The following HERC2 variants were observed in gnomAD, a reference collection of about 807,000 sequenced individuals.
HERC2 encodes E3 ubiquitin-protein ligase HERC2.
A neutral mutation model predicts 537.7 loss-of-function variants in HERC2; 102 were observed. That is an observed-to-expected ratio of 0.19 (90% CI 0.16 to 0.22). The LOEUF (loss-of-function observed/expected upper bound fraction) is 0.22. HERC2 is among the 10% of genes least tolerant of loss of function. The pLI is 1.00. For missense variants in HERC2, 4,236 were observed against 6,198.2 expected (o/e 0.68, Z 10.63); for synonymous variants, 2,224 against 2,466.2 (o/e 0.90, Z 2.91).
chr15:28,116,948 C>T, intron 87 of HERC2, 65 bp downstream of exon 87: 7 of 1,612,006 alleles, frequency 4.3e-6, no homozygotes, highest in Non-Finnish European at 5.9e-6. Flanking sequence ...GGCCTCTGTG[C>T]TCCCTGTGGG....
intron 3 of HERC2, among the ~76,000 whole-genome samples, chr15:28,294,784 C>T (rs1386743269): frequency 2.0e-5 from 3 of 151,074 alleles, no homozygotes; most frequent in Non-Finnish European, 4.5e-5. Flanking sequence ...GTGTCCCCCA[C>T]CCCCAGGGCT....
chr15:28,144,586 A>G, intron 72 of HERC2, 87 bp downstream of exon 72: 2 of 1,567,446 alleles, frequency 1.3e-6, no homozygotes, highest in Non-Finnish European at 1.7e-6. Context: ...GTCAGGCACT[A>G]CGTGGACATG....
At chr15:28,274,862 T>G in intron 6 of HERC2, 43 bp downstream of exon 6, 2 of 1,426,108 alleles carry the variant, frequency 1.4e-6, no homozygotes, top group Non-Finnish European at 2.0e-6. Context: ...AGTCTGTTGA[T>G]GTATTAGGGA....
At chr15:28,139,695 T>G (rs1367004782) in intron 78 of HERC2, among the ~76,000 whole-genome samples, 1 of 152,186 alleles carries the variant, frequency 6.6e-6, no homozygotes, top group Middle Eastern at 3.2e-3. Flanking sequence ...CTGACCAAAC[T>G]GGATCTATCC....
At chr15:28,168,773 T>C (rs574370422) in intron 66 of HERC2, among the ~76,000 whole-genome samples, 183 bp from the exon 67 acceptor site, 29 of 152,272 alleles carry the variant, frequency 1.9e-4, no homozygotes, top group Non-Finnish European at 3.8e-4. Context: ...GCTAAAATGT[T>C]TACTCTGGAT....
In HERC2 at chr15:28,222,191, T is replaced by C. The variant is rs1900590409; in HGVS notation, c.5489A>G (p.Glu1830Gly). 6.3e-7 allele frequency: 1 copy of C among 1,593,404 alleles called. No individual in the cohort carries two copies. Among genetic ancestry groups the C allele is most frequent in the Non-Finnish European group, 8.5e-7 (1 of 1,176,618 alleles). ...ACCTTGAGCAGAAGCATTCATATCT[T>C]CCTCAACGTTGTCACAACTGGGGCC... ...LIGPSCDNVE[E>G]DMNASAQGAS... Residue 1830 changes from glutamate (E) to glycine (G), a missense_variant, in exon 36 of 93, where the codon GAA (glutamate) becomes GGA (glycine). Glu to Gly is a moderately conservative substitution (Grantham distance 98). Around this residue, in one of 27 missense-constraint regions of HERC2, gnomAD observed 343 missense variants for 417.2 expected, o/e 0.82. Transcript: ENST00000261609.
intron 15 of HERC2, among the ~76,000 whole-genome samples, 155 bp downstream of exon 15, chr15:28,262,763 G>C (rs1016426664): frequency 6.6e-6 from 1 of 152,182 alleles, no homozygotes; most frequent in African/African-American, 2.4e-5. Flanking sequence ...GGCAGTAAAA[G>C]TTTCTAATGA....
In HERC2 at chr15:28,141,551, C is replaced by T. The variant is rs1190849970; in HGVS notation, c.11896G>A (p.Gly3966Arg). 4.3e-6 allele frequency: 7 copies of T among 1,614,192 alleles called. No individual in the cohort carries two copies. Among genetic ancestry groups the T allele is most frequent in the Non-Finnish European group, 5.1e-6 (6 of 1,180,040 alleles). ...GWGHNHRGQL[G>R]GIEGAKVKVP... ...TTGACTTTTGCGCCTTCAATGCCCC[C>T]GAGCTGGCCCCTGTGATTATGTCCC... The change falls in exon 78 of 93, where the codon GGG becomes AGG. Residue 3966 changes from glycine (G) to arginine (R), a missense_variant. Transcript: ENST00000261609.
chr15:28,136,420 G>A (rs1185346981), intron 78 of HERC2, among the ~76,000 whole-genome samples: 2 of 152,222 alleles, frequency 1.3e-5, no homozygotes, highest in Non-Finnish European at 2.9e-5. Context: ...AGCTTCTGGC[G>A]GGGAGGGTGT....
intron 83 of HERC2, among the ~76,000 whole-genome samples, chr15:28,127,622 C>G (rs1889645626): frequency 6.6e-6 from 1 of 152,186 alleles, no homozygotes; most frequent in South Asian, 2.1e-4. Flanking sequence ...CTTGTCTTCT[C>G]AAGGCCATTC....
chr15:28,177,381 T>A lies in HERC2; in HGVS notation c.9254+38A>T. The A allele has an allele frequency of 6.4e-7, 1 of 1,552,336 alleles. No individual in the cohort carries two copies. The highest frequency in any genetic ancestry group is 1.7e-4 in the Middle Eastern group (1 of 5,936). ...CTCAAGAGTATCAGTCAGAAACAGT[T>A]TCTTATTAGCAAATGAGACTAAAAA... On this transcript the variant is annotated intron_variant, in intron 60 of 92. Coordinates refer to ENST00000261609, the MANE Select transcript of HERC2 (RefSeq NM_004667.6). The surrounding 1 kb of genome is among the most constrained non-coding windows in gnomAD (Gnocchi z 5.0).
At position 28,177,702 on chromosome 15, in the gene HERC2, T is replaced by A. The variant is rs1895431393; in HGVS notation, c.9164-193A>T. 6.6e-6 allele frequency among the ~76,000 whole-genome samples: 1 copy of A among 152,162 alleles called. No homozygotes were observed. The highest frequency in any genetic ancestry group is 2.4e-5 in the African/African-American group (1 of 41,434). Reference sequence around the variant, plus strand: ...GGACATATGTGCCAAATAGGTGAATTTTCACTAAACTACAAATTTTAACTC... The same window carrying A: ...GGACATATGTGCCAAATAGGTGAATATTCACTAAACTACAAATTTTAACTC... On this transcript the variant is annotated intron_variant, in intron 59 of 92. Transcript: ENST00000261609. The surrounding 1 kb of genome is among the most constrained non-coding windows in gnomAD (Gnocchi z 5.0).
At chr15:28,232,179 C>G (rs1901931862) in intron 30 of HERC2, among the ~76,000 whole-genome samples, 1 of 152,144 alleles carries the variant, frequency 6.6e-6, no homozygotes, top group Non-Finnish European at 1.5e-5. Flanking sequence ...GTTCAAAATG[C>G]CCATCGGAAA....
chr15:28,144,919 A>G, intron 71 of HERC2, 115 bp from the exon 72 acceptor site: 1 of 1,362,836 alleles, frequency 7.3e-7, no homozygotes, highest in Non-Finnish European at 1.0e-6. Context: ...AAGTTCCTCC[A>G]ATCCAAGCTC....
chr15:28,268,655 C>T lies in HERC2; in HGVS notation c.1447-39G>A. The T allele has an allele frequency of 1.9e-6, 3 of 1,577,434 alleles. No individual in the cohort carries two copies. Among genetic ancestry groups the T allele is most frequent in the Non-Finnish European group, 1.7e-6 (2 of 1,157,608 alleles). ...AATACGAAGAAAAGTAGTCATCAGT[C>T]CAAGGAAAATGAAACCAGCTCAGCT... On this transcript the variant is annotated intron_variant, in intron 11 of 92. Transcript: ENST00000261609. This position sits in a 1 kb window ranked among gnomAD's most constrained non-coding sequence, Gnocchi z 4.7.
At chr15:28,174,321 G>A in intron 65 of HERC2, 74 bp downstream of exon 65, 1 of 1,065,896 alleles carries the variant, frequency 9.4e-7, no homozygotes, top group Non-Finnish European at 1.3e-6. Context: ...AATTGTGTTG[G>A]CACAATTAAA....
At chr15:28,212,259 A>G (rs1267453595) in intron 43 of HERC2, among the ~76,000 whole-genome samples, 186 bp downstream of exon 43, 11 of 152,306 alleles carry the variant, frequency 7.2e-5, no homozygotes, top group South Asian at 2.1e-4. Flanking sequence ...TGGCGACAAA[A>G]GCTGACTCGA....
intron 23 of HERC2, among the ~76,000 whole-genome samples, chr15:28,239,342 A>G (rs2525975): frequency 3.3e-5 from 5 of 152,236 alleles, no homozygotes; most frequent in Admixed American, 6.5e-5. Flanking sequence ...ATAAAAGTCT[A>G]TTAGTTCATA....
In HERC2 at chr15:28,213,978, G is replaced by A; in HGVS notation, c.6556-6C>T. The A allele has an allele frequency of 6.2e-7, 1 of 1,612,752 alleles. No individual in the cohort carries two copies. Among genetic ancestry groups the A allele is most frequent in the Non-Finnish European group, 8.5e-7 (1 of 1,178,808 alleles). ...AAGTAGTCCTCTAACTGGGCCTAGTGCAGACCAAACAGCGAGCTCGACAGA... is the reference window on the plus strand; with the variant it reads ...AAGTAGTCCTCTAACTGGGCCTAGTACAGACCAAACAGCGAGCTCGACAGA... On this transcript the variant is annotated splice_polypyrimidine_tract_variant and splice_region_variant and intron_variant, in intron 41 of 92. Transcript: ENST00000261609.
Sources: gnomAD v4.1 joint callset for allele counts (sites outside exome capture counted in the v4.1 genomes callset) on GRCh38, gnomAD v4.1.1 for gene constraint, gnomAD v4.1.1 regional missense constraint, Gnocchi (gnomAD v3.1) non-coding constraint, MANE v1.5 for transcripts, NCBI Gene and HGNC (gene_info 2026-07-23, HGNC 2026-07-21) for gene names.